Variants in RUNX2 observed in about 807,000 individuals in gnomAD.
RUNX2 encodes the protein runt-related transcription factor 2.
A neutral mutation model predicts 51.7 loss-of-function variants in RUNX2; 10 were observed. The observed-to-expected ratio is 0.19, with a 90% CI of 0.12 to 0.33. The LOEUF is 0.33. RUNX2 is among the 10% of genes least tolerant of loss of function. The pLI, the probability that RUNX2 is intolerant of heterozygous loss-of-function variation, is 1.00. For synonymous variants in RUNX2, 276 were observed against 273.6 expected (o/e 1.01, Z -0.09); for missense variants, 562 against 691.3 (o/e 0.81, Z 2.10).
intron 5 of RUNX2, among the ~76,000 whole-genome samples, chr6:45,483,730 A>T (rs750271497): frequency 6.6e-5 from 10 of 152,312 alleles, no homozygotes; most frequent in Admixed American, 1.3e-4. Context: ...GAAACACCAG[A>T]ACAATGTGAT....
chr6:45,528,448 C>A (rs1225811454), intron 7 of RUNX2, among the ~76,000 whole-genome samples: 1 of 152,002 alleles, frequency 6.6e-6, no homozygotes, highest in Non-Finnish European at 1.5e-5. Flanking sequence ...CAGTGAAACA[C>A]CGTCTCTACT....
intron 7 of RUNX2, among the ~76,000 whole-genome samples, chr6:45,523,930 CA>C (rs200342782): frequency 2.8e-5 from 4 of 144,298 alleles, no homozygotes; most frequent in South Asian, 4.5e-4. Context: ...GACTGCATCT[CA>C]AAAAAAAACC....
intron 7 of RUNX2, among the ~76,000 whole-genome samples, chr6:45,526,195 C>A (rs1180249601): frequency 6.6e-6 from 1 of 152,162 alleles, no homozygotes; most frequent in Admixed American, 6.5e-5. Context: ...GATCTTGATA[C>A]CTGACCACAG....
intron 2 of RUNX2, among the ~76,000 whole-genome samples, chr6:45,392,773 C>A (rs772368583): frequency 6.6e-6 from 1 of 151,250 alleles, no homozygotes; most frequent in Non-Finnish European, 1.5e-5. Context: ...GGTTTAGTGT[C>A]TCTCATTCAT....
At chr6:45,504,690 A>G (rs775709467) in intron 6 of RUNX2, among the ~76,000 whole-genome samples, 4 of 152,226 alleles carry the variant, frequency 2.6e-5, no homozygotes, top group African/African-American at 4.8e-5. Flanking sequence ...GTATGTCTGT[A>G]TTATGAATGA....
chr6:45,353,346 AAAAAG>A (rs1792467203), intron 2 of RUNX2, among the ~76,000 whole-genome samples: 1 of 152,110 alleles, frequency 6.6e-6, no homozygotes, highest in African/African-American at 2.4e-5. Context: ...AAAATATTTT[AAAAAG>A]AAAAGTTATG....
intron 6 of RUNX2, among the ~76,000 whole-genome samples, chr6:45,493,713 T>C (rs976181313): frequency 6.6e-6 from 1 of 151,300 alleles, no homozygotes; most frequent in African/African-American, 2.4e-5. Flanking sequence ...CCTTTTGTCT[T>C]TATAGTAATC....
chr6:45,527,266 C>T (rs773582300), intron 7 of RUNX2, among the ~76,000 whole-genome samples: 7 of 152,164 alleles, frequency 4.6e-5, no homozygotes, highest in Non-Finnish European at 2.9e-5. Flanking sequence ...AGGGCCACTA[C>T]AGGTCAAGAT....
intron 7 of RUNX2, among the ~76,000 whole-genome samples, chr6:45,518,909 A>AG (rs1320009380): frequency 6.6e-6 from 1 of 152,186 alleles, no homozygotes; most frequent in East Asian, 1.9e-4. Flanking sequence ...GTCTGAGAAG[A>AG]GGGGGCGCAG....
intron 2 of RUNX2, among the ~76,000 whole-genome samples, chr6:45,341,091 A>G (rs1047922154): frequency 6.6e-5 from 10 of 152,228 alleles, no homozygotes; most frequent in African/African-American, 2.4e-4. Context: ...ATACTGCACA[A>G]GATTCTAAGA....
chr6:45,428,005 C>T (rs73737415), intron 3 of RUNX2, among the ~76,000 whole-genome samples: 2,030 of 152,192 alleles, frequency 0.013, 47 homozygotes, highest in African/African-American at 0.046. Flanking sequence ...ATTACTTCTC[C>T]TTTTCTCATG....
intron 5 of RUNX2, among the ~76,000 whole-genome samples, chr6:45,449,123 G>A (rs952313669): frequency 1.3e-5 from 2 of 152,156 alleles, no homozygotes; most frequent in African/African-American, 4.8e-5. Flanking sequence ...TATGGCTAAG[G>A]GGATTGGAGG....
chr6:45,466,280 T>C (rs1462970618), intron 5 of RUNX2, among the ~76,000 whole-genome samples: 1 of 150,874 alleles, frequency 6.6e-6, no homozygotes, highest in Non-Finnish European at 1.5e-5. Flanking sequence ...GCCATTGCAC[T>C]CCAGCCTGGG....
intron 2 of RUNX2, 50 bp from the exon 3 acceptor site, chr6:45,422,543 C>A: frequency 1.4e-6 from 2 of 1,453,116 alleles, no homozygotes; most frequent in East Asian, 3.3e-5. Flanking sequence ...TCCTCCCCCT[C>A]CCCCGGCCAC....
At chr6:45,489,132 T>C (rs575048532) in intron 5 of RUNX2, among the ~76,000 whole-genome samples, 2 of 152,316 alleles carry the variant, frequency 1.3e-5, no homozygotes, top group South Asian at 2.1e-4. Flanking sequence ...GTTGCAGTGG[T>C]GTCTGTGAAG....
At chr6:45,518,178 A>C (rs1306657358) in intron 7 of RUNX2, among the ~76,000 whole-genome samples, 1 of 152,224 alleles carries the variant, frequency 6.6e-6, no homozygotes, top group East Asian at 1.9e-4. Context: ...CAGCAGCCAC[A>C]GGCAAATAAT....
chr6:45,494,594 C>T (rs1178236007), intron 6 of RUNX2, among the ~76,000 whole-genome samples: 1 of 152,032 alleles, frequency 6.6e-6, no homozygotes, highest in Non-Finnish European at 1.5e-5. Context: ...ACATACTTGT[C>T]ACCCCAACCA....
chr6:45,383,253 G>A (rs997990607), intron 2 of RUNX2, among the ~76,000 whole-genome samples: 4 of 152,014 alleles, frequency 2.6e-5, no homozygotes, highest in Admixed American at 1.3e-4. Context: ...CCAACATAAC[G>A]AAACCTCATC....
At chr6:45,422,547 C>A in intron 2 of RUNX2, 46 bp from the exon 3 acceptor site, 1 of 1,570,652 alleles carries the variant, frequency 6.4e-7, no homozygotes, top group Non-Finnish European at 8.6e-7. Flanking sequence ...CCCCCTCCCC[C>A]GGCCACTTCG....
Sources: gnomAD v4.1 joint callset for allele counts (sites outside exome capture counted in the v4.1 genomes callset) on GRCh38, gnomAD v4.1.1 for gene constraint, MANE v1.5 for transcripts, NCBI Gene and HGNC (gene_info 2026-07-23, HGNC 2026-07-21) for gene names.